The following CALN1 variants were observed in gnomAD, a reference collection of about 807,000 sequenced individuals.
The protein encoded by CALN1 is calneuron 1.
CALN1 carries 17 observed loss-of-function variants against 30.6 expected under a neutral mutation model. The ratio of observed to expected loss-of-function variants is 0.56; its 90% CI spans 0.38 to 0.83. CALN1 has a LOEUF of 0.83. Among genes scored for constraint, CALN1 ranks in the 40% least tolerant of loss-of-function variants. CALN1 has a pLI of 0.00. For missense variants in CALN1, 291 were observed against 354.9 expected (o/e 0.82, Z 1.45); for synonymous variants, 156 against 131.4 (o/e 1.19, Z -1.28).
intron 2 of CALN1, among the ~76,000 whole-genome samples, chr7:72,320,705 T>C (rs1451087048): frequency 6.6e-6 from 1 of 151,880 alleles, no homozygotes; most frequent in African/African-American, 2.4e-5. Context: ...CATGGTGGCA[T>C]GCACCTGTAA....
chr7:72,419,487 A>G (rs1162668963), intron 1 of CALN1, among the ~76,000 whole-genome samples: 1 of 151,968 alleles, frequency 6.6e-6, no homozygotes, highest in South Asian at 2.1e-4. Flanking sequence ...GGAGGCACTG[A>G]TTTGCCTTTC....
At chr7:71,934,103 G>C (rs1020698457) in intron 5 of CALN1, among the ~76,000 whole-genome samples, 1 of 152,134 alleles carries the variant, frequency 6.6e-6, no homozygotes, top group African/African-American at 2.4e-5. Flanking sequence ...TTTTAAATGT[G>C]ACTTATATTT....
At chr7:72,084,353 A>T (rs1307719196) in intron 4 of CALN1, among the ~76,000 whole-genome samples, 1 of 151,918 alleles carries the variant, frequency 6.6e-6, no homozygotes, top group Non-Finnish European at 1.5e-5. Context: ...TAAAAGCTAA[A>T]ACCATAAATC....
chr7:71,834,754 A>G (rs1237574197), intron 5 of CALN1, among the ~76,000 whole-genome samples: 2 of 152,300 alleles, frequency 1.3e-5, no homozygotes, highest in African/African-American at 2.4e-5. Context: ...TAAACAGATG[A>G]CAAATGCAGA....
intron 2 of CALN1, among the ~76,000 whole-genome samples, chr7:72,373,222 G>A (rs2968538): frequency 0.32 from 49,300 of 152,036 alleles, 9,662 homozygotes; most frequent in Middle Eastern, 0.51. Flanking sequence ...GGAAAAAAAG[G>A]AAGTTTGGGA....
At chr7:72,405,011 G>A (rs929743866) in intron 1 of CALN1, among the ~76,000 whole-genome samples, 1 of 152,176 alleles carries the variant, frequency 6.6e-6, no homozygotes, top group African/African-American at 2.4e-5. Flanking sequence ...CATGGTCTTA[G>A]CTCAGAGCTG....
intron 2 of CALN1, among the ~76,000 whole-genome samples, chr7:72,285,248 G>C (rs181046650): frequency 6.6e-6 from 1 of 152,028 alleles, no homozygotes; most frequent in Admixed American, 6.6e-5. Flanking sequence ...TTTTTGTTTT[G>C]TTTTGTTTGT....
intron 3 of CALN1, among the ~76,000 whole-genome samples, chr7:72,147,411 A>G (rs1786842460): frequency 6.6e-6 from 1 of 150,962 alleles, no homozygotes; most frequent in Admixed American, 6.6e-5. Flanking sequence ...CAAAACCACA[A>G]TGAGATACCA....
intron 5 of CALN1, among the ~76,000 whole-genome samples, chr7:71,964,894 G>C (rs1797454760): frequency 6.6e-6 from 1 of 152,144 alleles, no homozygotes; most frequent in Non-Finnish European, 1.5e-5. Flanking sequence ...AAATCTGTAA[G>C]GAATAGATGG....
intron 3 of CALN1, among the ~76,000 whole-genome samples, chr7:72,245,418 A>C (rs1795094344): frequency 6.6e-6 from 1 of 151,892 alleles, no homozygotes; most frequent in South Asian, 2.1e-4. Flanking sequence ...CAGGAGTTCG[A>C]GACCAGCCTG....
intron 2 of CALN1, among the ~76,000 whole-genome samples, chr7:72,391,950 C>T (rs1014720449): frequency 1.3e-5 from 2 of 152,116 alleles, no homozygotes; most frequent in Non-Finnish European, 2.9e-5. Flanking sequence ...GCCTCCACTC[C>T]CTGAATCTAA....
intron 5 of CALN1, among the ~76,000 whole-genome samples, chr7:72,018,316 G>C (rs1424683737): frequency 6.6e-6 from 1 of 152,058 alleles, no homozygotes; most frequent in Non-Finnish European, 1.5e-5. Flanking sequence ...GCATTGAGCA[G>C]GAAGCCTACC....
intron 2 of CALN1, among the ~76,000 whole-genome samples, chr7:72,338,946 C>G (rs1042921070): frequency 6.6e-6 from 1 of 150,868 alleles, no homozygotes; most frequent in Non-Finnish European, 1.5e-5. Context: ...CCTACCCAAC[C>G]TCCTCACCCC....
intron 3 of CALN1, among the ~76,000 whole-genome samples, chr7:72,145,932 T>G (rs1388720210): frequency 1.3e-5 from 2 of 152,212 alleles, no homozygotes; most frequent in African/African-American, 4.8e-5. Flanking sequence ...CCCTTCGTGC[T>G]AAAAACTCTC....
At chr7:72,301,667 G>C (rs1799270794) in intron 2 of CALN1, among the ~76,000 whole-genome samples, 1 of 145,654 alleles carries the variant, frequency 6.9e-6, no homozygotes, top group Non-Finnish European at 1.5e-5. Context: ...ATCTGACGTT[G>C]ATCTCCCAGA....
At chr7:71,902,084 A>G (rs1489100971) in intron 5 of CALN1, among the ~76,000 whole-genome samples, 1 of 152,148 alleles carries the variant, frequency 6.6e-6, no homozygotes, top group Non-Finnish European at 1.5e-5. Flanking sequence ...GAAGATAACA[A>G]GTAACCCCAT....
chr7:72,501,954 CAT>C, the CALN1 span, among the ~76,000 whole-genome samples: 93 of 75,862 alleles, frequency 1.2e-3, 9 homozygotes, highest in Middle Eastern at 6.8e-3. Flanking sequence ...TATATACACA[CAT>C]ATATATATAT....
At chr7:72,231,551 T>C (rs1794101421) in intron 3 of CALN1, among the ~76,000 whole-genome samples, 1 of 152,216 alleles carries the variant, frequency 6.6e-6, no homozygotes, top group African/African-American at 2.4e-5. Flanking sequence ...TTTGGGTTGA[T>C]TCCATGTCTT....
chr7:71,840,737 G>C (rs371158596), intron 5 of CALN1, among the ~76,000 whole-genome samples: 1 of 152,084 alleles, frequency 6.6e-6, no homozygotes. Context: ...TTGTGAGGCT[G>C]AAATGAAGCA....
Sources: allele counts gnomAD v4.1 joint callset (sites outside exome capture counted in the v4.1 genomes callset), GRCh38; gene constraint gnomAD v4.1.1; transcripts MANE v1.5; gene names NCBI Gene and HGNC (gene_info 2026-07-23, HGNC 2026-07-21).